Variants in AFF1 observed in about 807,000 individuals in gnomAD.
AFF1 encodes AF4/FMR2 family member 1.
AFF1 carries 48 observed loss-of-function variants against 121.7 expected under a neutral mutation model. The ratio of observed to expected loss-of-function variants is 0.39; its 90% CI spans 0.31 to 0.50. The LOEUF is 0.50. AFF1 is among the 20% of genes least tolerant of loss of function. The pLI, the probability that AFF1 is intolerant of heterozygous loss-of-function variation, is 0.76. For synonymous variants in AFF1, 613 were observed against 563.0 expected, an observed-to-expected ratio of 1.09 and a Z score of -1.26; for missense variants, 1,523 against 1,511.7, an observed-to-expected ratio of 1.01 and a Z score of -0.12.
intron 1 of AFF1, among the ~76,000 whole-genome samples, chr4:86,944,651 A>G (rs1404722248): frequency 6.6e-6 from 1 of 152,062 alleles, no homozygotes; most frequent in African/African-American, 2.4e-5. Flanking sequence ...TCGAGGTCTT[A>G]TAGCTAGTTG....
At chr4:86,997,256 T>C (rs934075173) in intron 2 of AFF1, among the ~76,000 whole-genome samples, 9 of 152,154 alleles carry the variant, frequency 5.9e-5, no homozygotes, top group Non-Finnish European at 1.0e-4. Context: ...AGTAGCATGT[T>C]TGCATGCTCA....
At chr4:87,025,265 G>T (rs974431028) in intron 2 of AFF1, among the ~76,000 whole-genome samples, 1 of 152,170 alleles carries the variant, frequency 6.6e-6, no homozygotes, top group Non-Finnish European at 1.5e-5. Context: ...TGAACACTAG[G>T]CACTGGGCTC....
At chr4:87,039,992 A>G (rs903035676) in intron 2 of AFF1, among the ~76,000 whole-genome samples, 3 of 151,990 alleles carry the variant, frequency 2.0e-5, no homozygotes, top group Admixed American at 2.0e-4. Flanking sequence ...GCCGAGATCT[A>G]GCGATTCTCC....
Position 87,135,743 on chromosome 4 carries a change from C to T in AFF1, c.*42C>T, listed in dbSNP as rs376205841. The T allele has an allele frequency of 7.6e-6, 12 of 1,589,110 alleles. No individual in the cohort carries two copies. The highest frequency in any genetic ancestry group is 1.2e-5 in the South Asian group (1 of 86,524). On this transcript the variant is annotated 3_prime_UTR_variant, in exon 21 of 21. Transcript: ENST00000395146. ...TTCAATGCCTTGGGAACTATTTTTG[C>T]ACATTGGAAGCCTCAAAAACAGTCC...
chr4:87,091,733 T>C, intron 6 of AFF1, 60 bp from the exon 7 acceptor site: 1 of 1,165,554 alleles, frequency 8.6e-7, no homozygotes, highest in Non-Finnish European at 1.2e-6. Flanking sequence ...TCAACGGTTT[T>C]CTCTTTAACT....
intron 2 of AFF1, among the ~76,000 whole-genome samples, chr4:87,033,384 G>A (rs1186762410): frequency 1.3e-5 from 2 of 152,138 alleles, no homozygotes; most frequent in Non-Finnish European, 2.9e-5. Context: ...TTTTCTTATT[G>A]TATGTGGTGC....
chr4:87,135,482 GGACCTACCTTCTGGA>G (rs894676827), intron 20 of AFF1, 83 bp from the exon 21 acceptor site: 11 of 1,243,306 alleles, frequency 8.8e-6, no homozygotes, highest in Non-Finnish European at 1.1e-5. Flanking sequence ...AATATTGTGG[GGACCTACCTTCTGGA>G]ACCTTGAATT....
chr4:86,977,043 T>A (rs555989140), intron 2 of AFF1, among the ~76,000 whole-genome samples: 7 of 152,364 alleles, frequency 4.6e-5, no homozygotes, highest in African/African-American at 1.7e-4. Context: ...AAATAATCTT[T>A]GACCTGTTGG....
intron 12 of AFF1, among the ~76,000 whole-genome samples, chr4:87,122,713 T>C (rs893338106): frequency 5.9e-5 from 9 of 152,090 alleles, no homozygotes; most frequent in African/African-American, 2.2e-4. Flanking sequence ...ATTCCTTCTT[T>C]GCATTGGCTA....
rs372183968 is a variant in AFF1 at position 87,129,380 on chromosome 4, A to G, written c.2964+1677A>G. On this transcript the variant is annotated intron_variant, in intron 16 of 20. Transcript: ENST00000395146. ...ACTTTAACAATGTTTCAGGAGATAC[A>G]TGGAATCACAGAAATATGGACGTTA... 1.8e-4 allele frequency among the ~76,000 whole-genome samples: 27 copies of G among 152,392 alleles called. No individual in the cohort carries two copies. In the East Asian group the frequency reaches 2.9e-3, roughly 16 times the overall value.
intron 18 of AFF1, 28 bp from the exon 19 acceptor site, chr4:87,132,243 G>A (rs1422706521): frequency 3.7e-6 from 6 of 1,602,270 alleles, no homozygotes; most frequent in Non-Finnish European, 5.1e-6. Context: ...ATAGTCACGT[G>A]CAGTTTCACT....
intron 4 of AFF1, among the ~76,000 whole-genome samples, chr4:87,051,135 C>G (rs1348475186): frequency 6.6e-6 from 1 of 152,184 alleles, no homozygotes; most frequent in Non-Finnish European, 1.5e-5. Flanking sequence ...ACAGCTCTTT[C>G]ATTTTGCAAA....
chr4:86,949,631 G>A (rs573956848), intron 2 of AFF1: 80 of 1,478,062 alleles, frequency 5.4e-5, no homozygotes, highest in Admixed American at 4.3e-4. Context: ...GAATGCCACC[G>A]GGTTGAGGGG....
At chr4:87,021,480 T>G (rs545079809) in intron 2 of AFF1, among the ~76,000 whole-genome samples, 2 of 152,254 alleles carry the variant, frequency 1.3e-5, no homozygotes, top group Non-Finnish European at 1.5e-5. Context: ...TTTCTATAGG[T>G]GATTTACATC....
At chr4:86,970,327 TACAACA>T (rs796395771) in intron 2 of AFF1, among the ~76,000 whole-genome samples, 1 of 152,004 alleles carries the variant, frequency 6.6e-6, no homozygotes, top group African/African-American at 2.4e-5. Flanking sequence ...ACCTCGTCTC[TACAACA>T]ACAACAACAA....
chr4:86,978,320 A>C (rs1385009685), intron 2 of AFF1, among the ~76,000 whole-genome samples: 1 of 150,282 alleles, frequency 6.7e-6, no homozygotes, highest in Admixed American at 6.7e-5. Flanking sequence ...AAGAGCTGGG[A>C]CTACAGACGC....
chr4:87,138,584 T>C lies in AFF1; in HGVS notation c.*2883T>C, dbSNP rs997932385. 8.6e-6 allele frequency: 2 copies of C among 232,198 alleles called. No individual in the cohort carries two copies. The highest frequency in any genetic ancestry group is 6.1e-5 in the East Asian group (1 of 16,460). The allele number at this position is 232,198 out of a possible 1,614,324, so 14.4% of individuals were successfully genotyped here. The stretch of plus-strand genomic sequence containing the variant: ...TAAAGTGTTTAATGTTTCTGTCCTT[T>C]CTGTGAATTATTGAATTTAAGAGCC... On this transcript the variant is annotated 3_prime_UTR_variant, in exon 21 of 21. Transcript: ENST00000395146.
intron 3 of AFF1, 72 bp from the exon 4 acceptor site, chr4:87,046,623 T>C: frequency 6.9e-7 from 1 of 1,453,332 alleles, no homozygotes; most frequent in South Asian, 1.4e-5. Flanking sequence ...TTAATAGTAT[T>C]ATATAACGTG....
chr4:87,022,566 ATATATATATATATATATCTATC>A (rs1346571216), intron 2 of AFF1, among the ~76,000 whole-genome samples: 2 of 71,492 alleles, frequency 2.8e-5, no homozygotes, highest in Non-Finnish European at 2.7e-5. Context: ...ATATATATAT[ATATATATATATATATATCTATC>A]TATATCTATC....
Sources: gnomAD v4.1 joint callset for allele counts (sites outside exome capture counted in the v4.1 genomes callset) on GRCh38, gnomAD v4.1.1 for gene constraint, MANE v1.5 for transcripts, NCBI Gene and HGNC (gene_info 2026-07-23, HGNC 2026-07-21) for gene names.